Variants in TAS2R1 observed in about 807,000 individuals in gnomAD.
The protein encoded by TAS2R1 is taste receptor type 2 member 1.
For missense variants in TAS2R1, 370 were observed against 353.4 expected (o/e 1.05, Z -0.38); for synonymous variants, 141 against 134.2 (o/e 1.05, Z -0.35).
the TAS2R1 span, among the ~76,000 whole-genome samples, chr5:9,730,469 G>T: frequency 6.6e-6 from 1 of 152,138 alleles, no homozygotes; most frequent in African/African-American, 2.4e-5. Context: ...GCAAATAAAG[G>T]CGCTGCCACA....
At chr5:9,696,609 G>T (rs952856420) in intron 1 of TAS2R1, among the ~76,000 whole-genome samples, 2 of 151,886 alleles carry the variant, frequency 1.3e-5, no homozygotes, top group African/African-American at 4.8e-5. Context: ...AATAAAAATA[G>T]AATATAAAAA....
At chr5:9,698,853 T>C (rs1172821802) in intron 1 of TAS2R1, among the ~76,000 whole-genome samples, 1 of 152,116 alleles carries the variant, frequency 6.6e-6, no homozygotes, top group Non-Finnish European at 1.5e-5. Flanking sequence ...TCAGAGAAAA[T>C]AATTTTGTCC....
intron 1 of TAS2R1, among the ~76,000 whole-genome samples, chr5:9,694,515 C>T (rs141543719): frequency 0.012 from 1,774 of 152,214 alleles, 41 homozygotes; most frequent in African/African-American, 0.041. Context: ...TTAATAGGTG[C>T]CATTTTGTGT....
the TAS2R1 span, among the ~76,000 whole-genome samples, chr5:9,877,386 T>TC: frequency 2.0e-5 from 3 of 152,228 alleles, no homozygotes; most frequent in Non-Finnish European, 4.4e-5. Context: ...AGAAATATTT[T>TC]CAAGATTTTC....
the TAS2R1 span, among the ~76,000 whole-genome samples, chr5:9,836,853 A>G: frequency 4.6e-4 from 70 of 152,344 alleles, no homozygotes; most frequent in East Asian, 0.012. Context: ...GCTTATTTAT[A>G]TCAGCAAAAA....
At chr5:9,780,023 A>G in the TAS2R1 span, among the ~76,000 whole-genome samples, 15 of 152,244 alleles carry the variant, frequency 9.9e-5, no homozygotes, top group Non-Finnish European at 1.6e-4. Flanking sequence ...TCTGTGTGCC[A>G]CATACCCTGT....
At chr5:9,895,349 A>T in the TAS2R1 span, among the ~76,000 whole-genome samples, 1 of 152,226 alleles carries the variant, frequency 6.6e-6, no homozygotes, top group Admixed American at 6.5e-5. Context: ...TGTGAGAGAA[A>T]ATAACTTCTG....
chr5:9,643,480 G>A (rs1740126223), intron 2 of TAS2R1, among the ~76,000 whole-genome samples: 1 of 152,180 alleles, frequency 6.6e-6, no homozygotes, highest in African/African-American at 2.4e-5. Context: ...AGGACCGGAA[G>A]TTGCTCTGGG....
the TAS2R1 span, among the ~76,000 whole-genome samples, chr5:9,806,769 G>C: frequency 6.6e-6 from 1 of 151,966 alleles, no homozygotes; most frequent in Non-Finnish European, 1.5e-5. Context: ...CAAAGACTTA[G>C]ATCTATGACC....
At chr5:9,845,813 G>A in the TAS2R1 span, among the ~76,000 whole-genome samples, 3 of 152,174 alleles carry the variant, frequency 2.0e-5, no homozygotes, top group Admixed American at 2.0e-4. Flanking sequence ...TTGGTTTACT[G>A]GTGGACATAA....
intron 1 of TAS2R1, among the ~76,000 whole-genome samples, chr5:9,682,872 C>G (rs4702638): frequency 0.46 from 70,472 of 151,958 alleles, 17,699 homozygotes; most frequent in African/African-American, 0.67. Flanking sequence ...CTGCCAGTGG[C>G]CTCATTGTTT....
At chr5:9,866,513 C>T in the TAS2R1 span, among the ~76,000 whole-genome samples, 87 of 152,284 alleles carry the variant, frequency 5.7e-4, no homozygotes, top group Non-Finnish European at 1.1e-3. Flanking sequence ...CAGAGAGAAA[C>T]TAATTTTTCC....
chr5:9,792,418 G>A, the TAS2R1 span, among the ~76,000 whole-genome samples: 2 of 152,264 alleles, frequency 1.3e-5, no homozygotes, highest in African/African-American at 2.4e-5. Context: ...ATGATTACTG[G>A]GAGAAGTAGG....
chr5:9,697,530 G>A (rs542106716), intron 1 of TAS2R1, among the ~76,000 whole-genome samples: 1 of 152,062 alleles, frequency 6.6e-6, no homozygotes, highest in African/African-American at 2.4e-5. Context: ...TACAGATGTT[G>A]AACACAATTC....
At chr5:9,747,280 G>T in the TAS2R1 span, among the ~76,000 whole-genome samples, 1 of 152,126 alleles carries the variant, frequency 6.6e-6, no homozygotes, top group East Asian at 1.9e-4. Context: ...GTTAAAGAGG[G>T]GTGAATGTAA....
At chr5:9,821,841 G>A in the TAS2R1 span, among the ~76,000 whole-genome samples, 119 of 152,154 alleles carry the variant, frequency 7.8e-4, no homozygotes, top group Non-Finnish European at 1.4e-3. Context: ...CTCTTTCTCC[G>A]TTAATTTCTA....
the TAS2R1 span, among the ~76,000 whole-genome samples, chr5:9,796,503 C>T: frequency 6.6e-6 from 1 of 152,034 alleles, no homozygotes; most frequent in Non-Finnish European, 1.5e-5. Flanking sequence ...TGGGTTTTAG[C>T]ACTGAAATTC....
intron 2 of TAS2R1, among the ~76,000 whole-genome samples, chr5:9,644,125 C>G (rs1740140950): frequency 6.6e-6 from 1 of 152,108 alleles, no homozygotes; most frequent in East Asian, 1.9e-4. Flanking sequence ...GAATGGGAAC[C>G]CATTGAAGTG....
In TAS2R1 at chr5:9,655,888, C is replaced by T. The variant is rs796380973; in HGVS notation, c.-81+3533G>A. On this transcript the variant is annotated intron_variant, in intron 2 of 2. Transcript: ENST00000506620. ...TTTTTTTTTTAATTTGTTTGTTTTT[C>T]CTTTTCAGAACCACTGATTCTCAAC... 1.4e-3 allele frequency among the ~76,000 whole-genome samples: 207 copies of T among 146,456 alleles called. 2 individuals are homozygous for T. The highest frequency in any genetic ancestry group is 4.8e-3 in the African/African-American group (190 of 39,784).
Sources: gnomAD v4.1 joint callset for allele counts (sites outside exome capture counted in the v4.1 genomes callset) on GRCh38, gnomAD v4.1.1 for gene constraint, MANE v1.5 for transcripts, NCBI Gene and HGNC (gene_info 2026-07-23, HGNC 2026-07-21) for gene names.